PODXL2: variants seen among roughly 807,000 people sequenced by gnomAD.
PODXL2 encodes the protein podocalyxin like 2.
A neutral mutation model predicts 53.4 loss-of-function variants in PODXL2; 17 were observed. The ratio of observed to expected loss-of-function variants is 0.32; its 90% CI spans 0.22 to 0.48. PODXL2 has a LOEUF of 0.48. Among genes scored for constraint, PODXL2 ranks in the 20% least tolerant of loss-of-function variants. The pLI, the probability that PODXL2 is intolerant of heterozygous loss-of-function variation, is 0.99. For missense variants in PODXL2, 673 were observed against 760.0 expected (o/e 0.89, Z 1.35); for synonymous variants, 311 against 306.7 (o/e 1.01, Z -0.15).
intron 1 of PODXL2, among the ~76,000 whole-genome samples, chr3:127,637,888 A>C (rs945814405): frequency 6.6e-6 from 1 of 152,220 alleles, no homozygotes. Context: ...GCACGTATCA[A>C]GCTTAGGGCC....
At chr3:127,654,397 C>G (rs1222298450) in intron 2 of PODXL2, among the ~76,000 whole-genome samples, 1 of 152,174 alleles carries the variant, frequency 6.6e-6, no homozygotes, top group Non-Finnish European at 1.5e-5. Flanking sequence ...ATTCTCAACT[C>G]CCATTTGGAT....
intron 2 of PODXL2, among the ~76,000 whole-genome samples, chr3:127,654,758 A>G (rs950209375): frequency 6.6e-6 from 1 of 152,054 alleles, no homozygotes; most frequent in African/African-American, 2.4e-5. Context: ...TCCTGTTATT[A>G]TTTTACCAGG....
intron 1 of PODXL2, among the ~76,000 whole-genome samples, chr3:127,635,011 T>C (rs1157286248): frequency 6.6e-6 from 1 of 152,254 alleles, no homozygotes; most frequent in Admixed American, 6.5e-5. Flanking sequence ...TACACATCTA[T>C]GTTTCTGTAT....
At chr3:127,633,713 A>G (rs2074561509) in intron 1 of PODXL2, among the ~76,000 whole-genome samples, 1 of 152,052 alleles carries the variant, frequency 6.6e-6, no homozygotes, top group Admixed American at 6.6e-5. Flanking sequence ...CTCATTTACA[A>G]TGGAGGCTGT....
intron 2 of PODXL2, among the ~76,000 whole-genome samples, chr3:127,656,363 G>A (rs2074723242): frequency 6.6e-6 from 1 of 152,188 alleles, no homozygotes; most frequent in South Asian, 2.1e-4. Flanking sequence ...GCCAAGGCAG[G>A]AGGATCGCTT....
intron 2 of PODXL2, among the ~76,000 whole-genome samples, chr3:127,653,664 A>AG (rs1347810058): frequency 2.6e-5 from 4 of 151,338 alleles, no homozygotes; most frequent in African/African-American, 9.7e-5. Context: ...AAAAAAAAAA[A>AG]AGAGAGAAAG....
In PODXL2 at chr3:127,668,491, G is replaced by C; in HGVS notation, c.1257G>C (p.Glu419Asp). ...RGPQLLALVE[E>D]VLPRHGSGHH... ...CACAGCTCCTGGCCCTGGTGGAAGA[G>C]GTGCTGCCCCGCCATGGCAGTGGCC... The change falls in exon 5 of 8, where the codon GAG becomes GAC. Residue 419 changes from glutamate (E) to aspartate (D), a missense_variant. By Grantham distance (45) the Glu-to-Asp change is conservative. Coordinates refer to ENST00000342480, the MANE Select transcript of PODXL2 (RefSeq NM_015720.4). 6.5e-7 allele frequency: 1 copy of C among 1,534,374 alleles called. No homozygotes were observed. Among genetic ancestry groups the C allele is most frequent in the Non-Finnish European group, 8.8e-7 (1 of 1,139,612 alleles).
chr3:127,648,824 G>A (rs545845263), intron 2 of PODXL2, among the ~76,000 whole-genome samples: 139 of 116,274 alleles, frequency 1.2e-3, no homozygotes, highest in Non-Finnish European at 1.9e-3. Flanking sequence ...ACGGAGTCTT[G>A]CTCTGTCGAC....
chr3:127,667,948 T>C (rs1559879307), intron 4 of PODXL2, among the ~76,000 whole-genome samples: 1 of 152,188 alleles, frequency 6.6e-6, no homozygotes, highest in African/African-American at 2.4e-5. Flanking sequence ...GGTAGTTACA[T>C]GGTGCACACC....
chr3:127,653,873 T>C (rs1266224161), intron 2 of PODXL2, among the ~76,000 whole-genome samples: 4 of 152,212 alleles, frequency 2.6e-5, no homozygotes, highest in Admixed American at 1.3e-4. Flanking sequence ...TGCTAAACCA[T>C]TTAATGGTAA....
At position 127,636,920 on chromosome 3, in the gene PODXL2, T is replaced by A. The variant is rs556961659; in HGVS notation, c.71-2325T>A. ...TTCACTGCAATCTCTGCCTCCCGGG[T>A]TCAAGCAATTCTCCTGCCTTAGCCT... On this transcript the variant is annotated intron_variant, in intron 1 of 7. Transcript: ENST00000342480. Among the ~76,000 whole-genome samples the A allele has an allele frequency of 5.5e-4, 83 of 152,008 alleles. No homozygotes were observed. In the South Asian group the frequency reaches 0.017, roughly 31 times the overall value.
intron 2 of PODXL2, among the ~76,000 whole-genome samples, chr3:127,645,360 T>G (rs868831461): frequency 6.6e-6 from 1 of 152,236 alleles, no homozygotes; most frequent in African/African-American, 2.4e-5. Flanking sequence ...TCTTGTCCCA[T>G]CTGCTGGGAA....
chr3:127,663,467 G>A (rs1028689637), intron 4 of PODXL2, among the ~76,000 whole-genome samples: 1 of 152,158 alleles, frequency 6.6e-6, no homozygotes, highest in Non-Finnish European at 1.5e-5. Context: ...ACTCTTGTTA[G>A]TGGGCCTGGG....
At chr3:127,657,699 C>A (rs1320890469) in intron 2 of PODXL2, among the ~76,000 whole-genome samples, 1 of 152,200 alleles carries the variant, frequency 6.6e-6, no homozygotes, top group Non-Finnish European at 1.5e-5. Context: ...TAAGTGATTT[C>A]ATATATTGTA....
chr3:127,635,844 G>A (rs1440697888), intron 1 of PODXL2, among the ~76,000 whole-genome samples: 3 of 152,238 alleles, frequency 2.0e-5, no homozygotes, highest in Non-Finnish European at 4.4e-5. Context: ...TCAGCTGGGT[G>A]GTTCTGGTCT....
In PODXL2 at chr3:127,639,319, G is replaced by T; in HGVS notation, c.145G>T (p.Asp49Tyr). The change falls in exon 2 of 8, where the codon GAC becomes TAC. Residue 49 changes from aspartate to tyrosine, a missense_variant. Around this residue, in one of 3 missense-constraint regions of PODXL2, gnomAD observed 588 missense variants for 668.3 expected, o/e 0.88. Coordinates refer to ENST00000342480, the MANE Select transcript of PODXL2 (RefSeq NM_015720.4). ...GGGCCTCACCTCCACCTCCCTGCTA[G>T]ACCTCCTGCTGCCCACTGGCTTGGA... ...PEGLTSTSLL[D>Y]LLLPTGLEPL... The T allele has an allele frequency of 6.2e-7, 1 of 1,614,050 alleles. No homozygotes were observed. The highest frequency in any genetic ancestry group is 8.5e-7 in the Non-Finnish European group (1 of 1,180,020).
At chr3:127,672,232 C>G in intron 7 of PODXL2, 36 bp from the exon 8 acceptor site, 2 of 1,519,388 alleles carry the variant, frequency 1.3e-6, no homozygotes, top group Non-Finnish European at 1.8e-6. Flanking sequence ...CGGGGGCTGG[C>G]TCGCTCGCCC....
chr3:127,648,886 G>A (rs911673107), intron 2 of PODXL2, among the ~76,000 whole-genome samples: 20 of 146,356 alleles, frequency 1.4e-4, no homozygotes, highest in African/African-American at 4.6e-4. Context: ...TCTGTCTCCC[G>A]GATTCAAGCA....
At position 127,660,887 on chromosome 3, in the gene PODXL2, G is replaced by A. The variant is rs35126395; in HGVS notation, c.859G>A (p.Glu287Lys). The A allele has an allele frequency of 3.8e-4, 613 of 1,614,226 alleles. 4 individuals carry two copies. The African/African-American group carries it at 7.2e-3, about 19-fold the overall frequency. Residue 287 changes from glutamate (E) to lysine (K), a missense_variant, in exon 3 of 8, where the codon GAG becomes AAG. This residue lies in a region of PODXL2 where 588 missense variants were observed against 668.3 expected (regional missense o/e 0.88). Transcript: ENST00000342480. ...GTTCGAGGCTCCTCAGGAAGCAAGC[G>A]AGGAAGCCACTGCAGGAGCAGCTGG... is the stretch of plus-strand genomic sequence containing the variant. Reference protein sequence around the residue: ...VEFEAPQEASEEATAGAAGLS... With the variant: ...VEFEAPQEASKEATAGAAGLS...
Sources: gnomAD v4.1 joint callset for allele counts (sites outside exome capture counted in the v4.1 genomes callset) on GRCh38, gnomAD v4.1.1 for gene constraint, gnomAD v4.1.1 regional missense constraint, MANE v1.5 for transcripts, NCBI Gene and HGNC (gene_info 2026-07-23, HGNC 2026-07-21) for gene names.